RAD52: variants seen among roughly 807,000 people sequenced by gnomAD.
RAD52 encodes the protein DNA repair protein RAD52 homolog.
A neutral mutation model predicts 55.5 loss-of-function variants in RAD52; 47 were observed. That is an observed-to-expected ratio of 0.85 (90% confidence interval 0.67 to 1.08). The LOEUF is 1.08. Among genes scored for constraint, RAD52 ranks in the 50% least tolerant of loss-of-function variants. RAD52 has a pLI of 0.00. For synonymous variants in RAD52, 184 were observed against 198.9 expected (o/e 0.92, Z 0.63); for missense variants, 468 against 522.8 (o/e 0.90, Z 1.02).
At chr12:977,890 G>A (rs1324445543) in intron 1 of RAD52, among the ~76,000 whole-genome samples, 1 of 5,608 alleles carries the variant, frequency 1.8e-4, no homozygotes, top group South Asian at 0.023. Flanking sequence ...CCTTAGACAT[G>A]GGTTTAAGCC....
chr12:945,248 G>C (rs1217935886), intron 1 of RAD52, among the ~76,000 whole-genome samples: 2 of 151,792 alleles, frequency 1.3e-5, no homozygotes, highest in Non-Finnish European at 2.9e-5. Flanking sequence ...CTCCTCAGGA[G>C]GCTAAGGCAC....
intron 1 of RAD52, among the ~76,000 whole-genome samples, chr12:973,487 T>A (rs890627572): frequency 2.0e-5 from 3 of 151,824 alleles, no homozygotes; most frequent in African/African-American, 7.3e-5. Context: ...GACAGGATTT[T>A]TTTTTTTTTA....
chr12:989,975 T>C (rs1378918720), exon 1 of RAD52: 1 of 152,050 alleles, frequency 6.6e-6, no homozygotes, highest in African/African-American at 2.4e-5. Flanking sequence ...TAGTCATATG[T>C]GGGAAGTACT....
At chr12:963,542 G>A (rs921689723) in intron 1 of RAD52, among the ~76,000 whole-genome samples, 1 of 152,000 alleles carries the variant, frequency 6.6e-6, no homozygotes, top group Non-Finnish European at 1.5e-5. Context: ...CATAAATATG[G>A]TATAGCTTTC....
At chr12:948,311 C>G (rs1391944341) in intron 1 of RAD52, among the ~76,000 whole-genome samples, 2 of 152,044 alleles carry the variant, frequency 1.3e-5, no homozygotes, top group Non-Finnish European at 2.9e-5. Context: ...TTTAAGGTTT[C>G]TTTTAGGGAT....
rs750425355 is a variant in RAD52, at chr12:973,782, C to CTTTTTTTTTTT, written c.-19+16016_-19+16026dup. 8.7e-4 allele frequency among the ~76,000 whole-genome samples: 99 copies of CTTTTTTTTTTT among 113,486 alleles called. 1 individual carries two copies. The highest frequency in any genetic ancestry group is 3.3e-3 in the African/African-American group (89 of 27,092). The allele number at this position is 113,486 out of a possible 152,430, so 74.5% of individuals were successfully genotyped here. On this transcript the variant is annotated intron_variant, in intron 1 of 11. Coordinates refer to the RAD52 transcript ENST00000430095. ...GCATGAGCCACCACGCCCAGTCCTT[C>CTTTTTTTTTTT]TTTTTTTTTTTTTTTTTTTTTTAAG...
At chr12:980,615 T>C (rs1409956734) in intron 1 of RAD52, among the ~76,000 whole-genome samples, 1 of 151,550 alleles carries the variant, frequency 6.6e-6, no homozygotes, top group African/African-American at 2.4e-5. Flanking sequence ...TTTTTTTTTT[T>C]TTCTGAGACA....
intron 7 of RAD52, among the ~76,000 whole-genome samples, chr12:919,090 A>G (rs1397296140): frequency 6.6e-6 from 1 of 152,174 alleles, no homozygotes; most frequent in East Asian, 1.9e-4. Context: ...AGTGACTGGA[A>G]GAGGGCAAAA....
chr12:930,174 C>A (rs1592373208), intron 3 of RAD52, 30 bp from the exon 4 acceptor site: 2 of 1,515,782 alleles, frequency 1.3e-6, no homozygotes. Context: ...TAAGGAAAAG[C>A]TGTGTTAATT....
chr12:981,673 C>A lies in RAD52; in HGVS notation c.-19+8136G>T, dbSNP rs370843321. Reference sequence around the variant, plus strand: ...TCAGGAGGCTGAGGCAGGATAATCGCTCGAGCCCAGGAGGTGAAGGTTGAA... The same window carrying A: ...TCAGGAGGCTGAGGCAGGATAATCGATCGAGCCCAGGAGGTGAAGGTTGAA... On this transcript the variant is annotated intron_variant, in intron 1 of 11. Transcript: ENST00000430095. Among the ~76,000 whole-genome samples the A allele has an allele frequency of 5.7e-4, 86 of 151,862 alleles. 3 individuals carry two copies. The South Asian group carries it at 0.017, about 31-fold the overall frequency.
chr12:986,275 G>A (rs981398819), intron 1 of RAD52, among the ~76,000 whole-genome samples: 6 of 152,100 alleles, frequency 3.9e-5, no homozygotes. Context: ...TGTTGCCCAG[G>A]TTGGCTTTGA....
rs1334730446 is a variant in RAD52, at chr12:913,285, T to C, written c.*106A>G. On this transcript the variant is annotated 3_prime_UTR_variant, in exon 12 of 12. Coordinates refer to ENST00000358495, the MANE Select transcript of RAD52 (RefSeq NM_134424.4). Reference sequence around the variant, plus strand: ...AAGGTTCAGAATGAAGCAAGATAAATCGCAATGACGTTCATTCTCCAGCAG... The same window carrying C: ...AAGGTTCAGAATGAAGCAAGATAAACCGCAATGACGTTCATTCTCCAGCAG... 2 of 860,542 alleles carry C rather than the reference T, an allele frequency of 2.3e-6. No homozygotes were observed. The highest frequency in any genetic ancestry group is 1.7e-5 in the African/African-American group (1 of 59,010). 53.3% of individuals were successfully genotyped at this position (860,542 alleles called of 1,614,324 possible). A position where few individuals can be genotyped will look rare whatever the true frequency, so the allele number is the denominator to read the frequency against.
At chr12:979,685 T>G (rs1958984738) in intron 1 of RAD52, among the ~76,000 whole-genome samples, 1 of 152,144 alleles carries the variant, frequency 6.6e-6, no homozygotes, top group Non-Finnish European at 1.5e-5. Flanking sequence ...GATCTTGGAC[T>G]TCTAGCCTCT....
intron 1 of RAD52, among the ~76,000 whole-genome samples, chr12:944,151 G>C (rs968791540): frequency 2.6e-5 from 4 of 152,118 alleles, no homozygotes; most frequent in Admixed American, 2.6e-4. Flanking sequence ...GGAAGGTAGA[G>C]GCTGCAGTGA....
At chr12:943,607 C>T (rs1958031297) in intron 1 of RAD52, among the ~76,000 whole-genome samples, 1 of 152,146 alleles carries the variant, frequency 6.6e-6, no homozygotes, top group South Asian at 2.1e-4. Context: ...CCTCGGCCTC[C>T]CAAAGTGCCA....
At chr12:926,876 C>T (rs7487683) in intron 6 of RAD52, 48,373 of 1,536,408 alleles carry the variant, frequency 0.031, 849 homozygotes, top group Non-Finnish European at 0.038. Flanking sequence ...GGAAGGCCTC[C>T]GGCACACATG....
chr12:957,748 C>G (rs1958628486), intron 1 of RAD52, among the ~76,000 whole-genome samples: 1 of 152,080 alleles, frequency 6.6e-6, no homozygotes, highest in African/African-American at 2.4e-5. Context: ...GGAGATCGCG[C>G]CACTGCACTC....
chr12:971,199 T>C (rs896966051), intron 1 of RAD52, among the ~76,000 whole-genome samples: 5 of 152,214 alleles, frequency 3.3e-5, no homozygotes, highest in Admixed American at 2.6e-4. Context: ...GTGACTATGA[T>C]GCAACCAATA....
chr12:983,262 C>T (rs1959042975), intron 1 of RAD52, among the ~76,000 whole-genome samples: 1 of 152,126 alleles, frequency 6.6e-6, no homozygotes, highest in Non-Finnish European at 1.5e-5. Flanking sequence ...CACTCCACTT[C>T]TTGGCATAAA....
Sources: gnomAD v4.1 joint callset for allele counts (sites outside exome capture counted in the v4.1 genomes callset) on GRCh38, gnomAD v4.1.1 for gene constraint, MANE v1.5 for transcripts, NCBI Gene and HGNC (gene_info 2026-07-23, HGNC 2026-07-21) for gene names.